The following HTRA1 variants were observed in gnomAD, a reference collection of about 807,000 sequenced individuals.
HTRA1 encodes the protein HtrA serine peptidase 1, also known as serine protease HTRA1.
HTRA1 carries 26 observed loss-of-function variants against 49.7 expected under a neutral mutation model. The observed-to-expected ratio is 0.52, with a 90% confidence interval of 0.38 to 0.73. The LOEUF (loss-of-function observed/expected upper bound fraction) is 0.73, where lower values mean the gene tolerates loss of function less well. Among genes scored for constraint, HTRA1 ranks in the 30% least tolerant of loss-of-function variants. HTRA1 has a pLI of 0.00. For synonymous variants in HTRA1, 291 were observed against 286.9 expected (o/e 1.01, Z -0.14); for missense variants, 561 against 667.2 (o/e 0.84, Z 1.75).
chr10:122,472,559 C>T (rs989459206), intron 1 of HTRA1, among the ~76,000 whole-genome samples: 3 of 152,012 alleles, frequency 2.0e-5, no homozygotes, highest in Admixed American at 6.6e-5. Context: ...CCACACCCAG[C>T]TACCTTTTAT....
chr10:122,500,836 C>T (rs922783451), intron 3 of HTRA1, among the ~76,000 whole-genome samples: 2 of 152,146 alleles, frequency 1.3e-5, no homozygotes, highest in African/African-American at 2.4e-5. Context: ...CCCCCAAAAC[C>T]GAGGCTGCGT....
intron 8 of HTRA1, 78 bp from the exon 9 acceptor site, chr10:122,514,113 T>C: frequency 1.4e-6 from 2 of 1,382,464 alleles, no homozygotes; most frequent in South Asian, 2.3e-5. Context: ...TTCTAAGCTG[T>C]GCCTCTGTCC....
intron 3 of HTRA1, among the ~76,000 whole-genome samples, chr10:122,501,961 G>GTTTTTTTTT (rs541582341): frequency 1.4e-5 from 1 of 73,494 alleles, no homozygotes; most frequent in African/African-American, 5.9e-5. Flanking sequence ...TCCATTTGGA[G>GTTTTTTTTT]TTTTTTTTTT....
chr10:122,461,834 C>G lies in HTRA1; in HGVS notation c.182C>G (p.Ala61Gly), dbSNP rs1038831840. The change falls in exon 1 of 9, where the codon GCG becomes GGG. Residue 61 changes from alanine to glycine, a missense_variant. This residue lies in a region of HTRA1 where 111 missense variants were observed against 83.7 expected (regional missense o/e 1.33). Coordinates refer to ENST00000368984, the MANE Select transcript of HTRA1 (RefSeq NM_002775.5). ...EHCEGGRARD[A>G]CGCCEVCGAP... ...TGCGAGGGCGGCCGGGCCCGGGACG[C>G]GTGCGGCTGCTGCGAGGTGTGCGGC... is the stretch of plus-strand genomic sequence containing the variant. The G allele has an allele frequency of 1.8e-6, 2 of 1,130,804 alleles. No individual in the cohort carries two copies. Among genetic ancestry groups the G allele is most frequent in the African/African-American group, 3.3e-5 (2 of 60,406 alleles). The allele number at this position is 1,130,804 out of a possible 1,614,324, so 70.0% of individuals were successfully genotyped here. A position where few individuals can be genotyped will look rare whatever the true frequency, so the allele number is the denominator to read the frequency against.
At chr10:122,477,265 C>T (rs989748362) in intron 1 of HTRA1, among the ~76,000 whole-genome samples, 6 of 152,148 alleles carry the variant, frequency 3.9e-5, no homozygotes. Flanking sequence ...CCATGCCCGG[C>T]CTGTAGTTAC....
At chr10:122,462,155 A>G (rs747538553) in intron 1 of HTRA1, 31 bp downstream of exon 1, 10 of 1,493,080 alleles carry the variant, frequency 6.7e-6, no homozygotes, top group Admixed American at 5.9e-5. Flanking sequence ...GCAGCTCCCC[A>G]CTCTCTCCAT....
rs994743695 is a variant in HTRA1 at position 122,510,932 on chromosome 10, G to T, written c.1178+779G>T. ...AGCACTCCAGAAGATGGAGCCATTT[G>T]TCAAGGTTAAAGTGTCCCCTCAGTT... is the stretch of plus-strand genomic sequence containing the variant. On this transcript the variant is annotated intron_variant, in intron 7 of 8. Coordinates refer to ENST00000368984, the MANE Select transcript of HTRA1 (RefSeq NM_002775.5). 5.3e-5 allele frequency among the ~76,000 whole-genome samples: 8 copies of T among 152,128 alleles called. No homozygotes were observed. The South Asian group carries it at 1.7e-3, about 32-fold the overall frequency.
chr10:122,500,947 C>G (rs2097500618), intron 3 of HTRA1, among the ~76,000 whole-genome samples: 1 of 152,220 alleles, frequency 6.6e-6, no homozygotes, highest in South Asian at 2.1e-4. Flanking sequence ...GGTCCCCTGT[C>G]CCTGTGGAGT....
At chr10:122,476,442 C>T (rs1406830783) in intron 1 of HTRA1, among the ~76,000 whole-genome samples, 1 of 152,248 alleles carries the variant, frequency 6.6e-6, no homozygotes, top group Non-Finnish European at 1.5e-5. Context: ...CCTACTCACA[C>T]CTGCTGCAGG....
At chr10:122,488,772 G>T in intron 1 of HTRA1, 130 bp from the exon 2 acceptor site, 2 of 804,128 alleles carry the variant, frequency 2.5e-6, no homozygotes, top group Admixed American at 1.7e-5. Flanking sequence ...CCAGGTGGGG[G>T]AATTGCGCTC....
At chr10:122,462,896 A>C (rs1357284562) in intron 1 of HTRA1, among the ~76,000 whole-genome samples, 1 of 152,230 alleles carries the variant, frequency 6.6e-6, no homozygotes, top group Admixed American at 6.5e-5. Context: ...CGCACACAGG[A>C]CCTGTTCTGG....
intron 1 of HTRA1, among the ~76,000 whole-genome samples, chr10:122,477,294 C>T (rs1027400438): frequency 1.2e-4 from 18 of 152,188 alleles, no homozygotes; most frequent in East Asian, 5.8e-4. Context: ...TAGCCATGCT[C>T]GGGGCTGAAG....
At position 122,462,072 on chromosome 10, in the gene HTRA1, G is replaced by C; in HGVS notation, c.420G>C (p.Glu140Asp). 1 of 1,536,168 alleles carries C rather than the reference G, an allele frequency of 6.5e-7. No individual in the cohort carries two copies. The highest frequency in any genetic ancestry group is 8.7e-7 in the Non-Finnish European group (1 of 1,147,748). The stretch of plus-strand genomic sequence containing the variant: ...TGCGCGCCGCCAGCCGCCGCTCCGA[G>C]AGGCTGCACCGGCCGCCGGTCATCG... ...CQLRAASRRSERLHRPPVIVL... is the reference protein window; with the variant it reads ...CQLRAASRRSDRLHRPPVIVL... The change falls in exon 1 of 9, where the codon GAG becomes GAC. Residue 140 changes from glutamate (E) to aspartate (D), a missense_variant. Glu to Asp is a conservative substitution (Grantham distance 45). Coordinates refer to ENST00000368984, the MANE Select transcript of HTRA1 (RefSeq NM_002775.5).
At chr10:122,463,984 G>C (rs1247472163) in intron 1 of HTRA1, among the ~76,000 whole-genome samples, 1 of 152,212 alleles carries the variant, frequency 6.6e-6, no homozygotes, top group African/African-American at 2.4e-5. Flanking sequence ...GAGGCTGGCT[G>C]TGCCCCGTGC....
chr10:122,478,685 C>G (rs995274692), intron 1 of HTRA1, among the ~76,000 whole-genome samples: 17 of 152,154 alleles, frequency 1.1e-4, no homozygotes, highest in Non-Finnish European at 2.4e-4. Context: ...AGCCACTCGC[C>G]CGGCTGAGTT....
intron 3 of HTRA1, among the ~76,000 whole-genome samples, chr10:122,492,116 G>A (rs2097496136): frequency 6.6e-6 from 1 of 152,012 alleles, no homozygotes; most frequent in African/African-American, 2.4e-5. Flanking sequence ...CTGTGCTTGA[G>A]GAATGAAAAT....
At position 122,506,884 on chromosome 10, in the gene HTRA1, A is replaced by T; in HGVS notation, c.971A>T (p.Asn324Ile). The T allele has an allele frequency of 6.2e-7, 1 of 1,613,320 alleles. No individual in the cohort carries two copies. Among genetic ancestry groups the T allele is most frequent in the Non-Finnish European group, 8.5e-7 (1 of 1,179,862 alleles). ...MDYIQTDAII[N>I]YGNSGGPLVN... ...TACATCCAGACCGACGCCATCATCA[A>T]CGTGAGCCTCTGTCCCTCTGCGGGT... is the stretch of plus-strand genomic sequence containing the variant. The change falls in exon 4 of 9, where the codon AAC becomes ATC. Residue 324 changes from asparagine to isoleucine, a missense_variant and splice_region_variant. Coordinates refer to ENST00000368984, the MANE Select transcript of HTRA1 (RefSeq NM_002775.5). The surrounding 1 kb of genome is among the most constrained non-coding windows in gnomAD (Gnocchi z 5.2).
intron 3 of HTRA1, among the ~76,000 whole-genome samples, chr10:122,500,820 A>T (rs1418883073): frequency 6.6e-6 from 1 of 152,106 alleles, no homozygotes; most frequent in African/African-American, 2.4e-5. Flanking sequence ...CACACCACAC[A>T]TAGTGCCCCC....
chr10:122,473,382 C>T (rs1468953838), intron 1 of HTRA1, among the ~76,000 whole-genome samples: 4 of 152,154 alleles, frequency 2.6e-5, no homozygotes, highest in Non-Finnish European at 4.4e-5. Context: ...CTGAGCCTCT[C>T]GGATGCCAGC....
Sources: allele counts gnomAD v4.1 joint callset (sites outside exome capture counted in the v4.1 genomes callset), GRCh38; gene constraint gnomAD v4.1.1; regional missense constraint gnomAD v4.1.1; non-coding constraint Gnocchi (gnomAD v3.1); transcripts MANE v1.5; gene names NCBI Gene and HGNC (gene_info 2026-07-23, HGNC 2026-07-21).